Variants in TET3 observed in about 807,000 individuals in gnomAD.
TET3 encodes tet methylcytosine dioxygenase 3.
In TET3, 19 loss-of-function variants were observed where a neutral mutation model predicts 141.4. The ratio of observed to expected loss-of-function variants is 0.13; its 90% CI spans 0.09 to 0.20. The LOEUF (loss-of-function observed/expected upper bound fraction) is 0.20. TET3 is among the 10% of genes least tolerant of loss of function. The pLI is 1.00. For synonymous variants in TET3, 1,043 were observed against 980.9 expected (o/e 1.06, Z -1.18); for missense variants, 1,874 against 2,356.9 (o/e 0.80, Z 4.24).
At chr2:74,057,274 TC>T (rs1688268533) in intron 4 of TET3, among the ~76,000 whole-genome samples, 3 of 152,154 alleles carry the variant, frequency 2.0e-5, no homozygotes, top group Admixed American at 1.3e-4. Flanking sequence ...CCTAAGAGTG[TC>T]TCTCCACATC....
intron 3 of TET3, among the ~76,000 whole-genome samples, chr2:74,041,559 C>T (rs1687338273): frequency 6.6e-6 from 1 of 152,180 alleles, no homozygotes; most frequent in African/African-American, 2.4e-5. Flanking sequence ...TAGAAGGTTG[C>T]AACCTGCATT....
At chr2:74,031,131 C>A (rs1026686294) in intron 3 of TET3, among the ~76,000 whole-genome samples, 2 of 151,306 alleles carry the variant, frequency 1.3e-5, no homozygotes, top group South Asian at 4.2e-4. Context: ...GCAGGCTGAG[C>A]GGTGGGGCCT....
chr2:74,054,977 C>G (rs1241033505), intron 4 of TET3, among the ~76,000 whole-genome samples: 1 of 152,082 alleles, frequency 6.6e-6, no homozygotes, highest in East Asian at 1.9e-4. Context: ...CTCACTGCAG[C>G]CTTGACCTCC....
At chr2:74,007,359 T>G (rs1269259073) in intron 3 of TET3, among the ~76,000 whole-genome samples, 1 of 152,168 alleles carries the variant, frequency 6.6e-6, no homozygotes, top group South Asian at 2.1e-4. Context: ...TTCAATTAAG[T>G]CATTGTTTCC....
At chr2:74,057,018 G>A (rs1688257546) in intron 4 of TET3, among the ~76,000 whole-genome samples, 1 of 152,190 alleles carries the variant, frequency 6.6e-6, no homozygotes, top group African/African-American at 2.4e-5. Flanking sequence ...TTCCCCATTT[G>A]CTCCAGCTTT....
At chr2:74,025,319 C>T (rs1453054202) in intron 3 of TET3, among the ~76,000 whole-genome samples, 2 of 148,030 alleles carry the variant, frequency 1.4e-5, no homozygotes, top group Non-Finnish European at 3.0e-5. Flanking sequence ...GATGGAGTCT[C>T]GCTCTGTTGC....
intron 8 of TET3, among the ~76,000 whole-genome samples, chr2:74,091,946 C>A (rs189410697): frequency 6.6e-6 from 1 of 152,192 alleles, no homozygotes; most frequent in African/African-American, 2.4e-5. Context: ...ACAGGAGCCA[C>A]GTGTAGCTGC....
chr2:74,025,952 A>G (rs1686327883), intron 3 of TET3, among the ~76,000 whole-genome samples: 2 of 152,106 alleles, frequency 1.3e-5, no homozygotes, highest in Non-Finnish European at 2.9e-5. Flanking sequence ...AAAAAATAAT[A>G]ATAATAATTG....
chr2:74,134,586 A>G, the TET3 span: 2 of 419,436 alleles, frequency 4.8e-6, no homozygotes, highest in Non-Finnish European at 9.7e-6. Context: ...AGTGTGAGAG[A>G]GGAGTGGATG....
chr2:74,090,313 C>T (rs1042521891), intron 8 of TET3, among the ~76,000 whole-genome samples: 9 of 152,188 alleles, frequency 5.9e-5, no homozygotes, highest in Non-Finnish European at 1.0e-4. Context: ...CTCCAAATAT[C>T]GAAGATACAT....
chr2:74,003,912 A>G (rs1296313712), intron 3 of TET3, among the ~76,000 whole-genome samples: 1 of 151,928 alleles, frequency 6.6e-6, no homozygotes, highest in Non-Finnish European at 1.5e-5. Context: ...AGTATCAGCC[A>G]TTACTAGGAA....
At chr2:74,081,328 G>A (rs935085238) in intron 6 of TET3, among the ~76,000 whole-genome samples, 5 of 152,266 alleles carry the variant, frequency 3.3e-5, no homozygotes, top group South Asian at 2.1e-4. Flanking sequence ...TCGGGTGCCT[G>A]CAAGCTCAGC....
Position 74,048,053 on chromosome 2 carries a change from G to A in TET3, c.2136G>A (p.Arg712=). The A allele has an allele frequency of 6.2e-7, 1 of 1,611,998 alleles. No homozygotes were observed. The highest frequency in any genetic ancestry group is 8.5e-7 in the Non-Finnish European group (1 of 1,178,972). Residue 712 remains arginine, a synonymous_variant, in exon 4 of 12, where the codon CGG becomes CGA. Transcript: ENST00000409262. ...PADDKLEELI[R]QFEAEFGDSF... ...ATGACAAGCTGGAAGAGCTCATCCG[G>A]CAGTTTGAGGCTGAATTTGGAGATA...
At chr2:74,070,978 A>G (rs962588759) in intron 4 of TET3, among the ~76,000 whole-genome samples, 1 of 151,788 alleles carries the variant, frequency 6.6e-6, no homozygotes, top group African/African-American at 2.4e-5. Flanking sequence ...CTGTCTCTAG[A>G]AAAAAAATCC....
intron 5 of TET3, among the ~76,000 whole-genome samples, chr2:74,079,577 A>T (rs183642142): frequency 3.3e-5 from 5 of 152,364 alleles, no homozygotes; most frequent in Admixed American, 3.3e-4. Flanking sequence ...AGGAACTTCA[A>T]AGCACTTTAA....
intron 8 of TET3, among the ~76,000 whole-genome samples, chr2:74,090,704 C>A (rs1032527291): frequency 3.3e-5 from 5 of 152,202 alleles, no homozygotes; most frequent in Admixed American, 3.3e-4. Flanking sequence ...CTGTGGGGGC[C>A]GGAGCATCTG....
chr2:74,016,299 T>C (rs1685724501), intron 3 of TET3, among the ~76,000 whole-genome samples: 1 of 150,254 alleles, frequency 6.7e-6, no homozygotes, highest in Non-Finnish European at 1.5e-5. Context: ...CAAGACCCTG[T>C]CTCTTTAAAA....
intron 3 of TET3, among the ~76,000 whole-genome samples, chr2:74,041,491 G>A (rs1376347007): frequency 6.6e-6 from 1 of 152,124 alleles, no homozygotes; most frequent in East Asian, 1.9e-4. Context: ...TTCAGGTCAG[G>A]TCATAGCTGT....
chr2:74,050,124 T>C (rs1687869007), intron 4 of TET3, among the ~76,000 whole-genome samples: 1 of 152,220 alleles, frequency 6.6e-6, no homozygotes. Flanking sequence ...AGTTGATCCT[T>C]AGCCAATATT....
Sources: gnomAD v4.1 joint callset for allele counts (sites outside exome capture counted in the v4.1 genomes callset) on GRCh38, gnomAD v4.1.1 for gene constraint, MANE v1.5 for transcripts, NCBI Gene and HGNC (gene_info 2026-07-23, HGNC 2026-07-21) for gene names.